CAPN14: variants seen among roughly 807,000 people sequenced by gnomAD.
The protein encoded by CAPN14 is calpain 14, also known as calpain-14.
In CAPN14, 94 loss-of-function variants were observed where a neutral mutation model predicts 101.3. That is an observed-to-expected ratio of 0.93 (90% CI 0.79 to 1.10). The LOEUF (loss-of-function observed/expected upper bound fraction) is 1.10. CAPN14 is among the 50% of genes least tolerant of loss of function. The pLI is 0.00. For missense variants in CAPN14, 837 were observed against 828.4 expected (o/e 1.01, Z -0.13); for synonymous variants, 338 against 317.9 (o/e 1.06, Z -0.67).
chr2:31,193,083 C>T, intron 10 of CAPN14, 48 bp downstream of exon 10: 2 of 1,505,240 alleles, frequency 1.3e-6, no homozygotes, highest in Non-Finnish European at 1.8e-6. Flanking sequence ...TCTGACACCC[C>T]CGCCCACAAC....
rs971354039 is a variant in CAPN14, at chr2:31,232,090, C to A, written c.-177+1701G>T. Among the ~76,000 whole-genome samples the A allele has an allele frequency of 5.9e-5, 9 of 152,268 alleles. No homozygotes were observed. The East Asian group carries it at 1.7e-3, about 29-fold the overall frequency. ...CTGGCCTCTGATAATCCCCCCTCCC[C>A]TGAAATCCCTGCAGCTTCACCACAC... is the stretch of plus-strand genomic sequence containing the variant. On this transcript the variant is annotated intron_variant and NMD_transcript_variant, in intron 1 of 21. Coordinates refer to the CAPN14 transcript ENST00000398824.
intron 19 of CAPN14, 108 bp downstream of exon 19, chr2:31,177,638 C>T: frequency 1.3e-6 from 1 of 779,766 alleles, no homozygotes; most frequent in Non-Finnish European, 2.2e-6. Flanking sequence ...TTGAGAGTAA[C>T]ACTGCGTATT....
At position 31,197,391 on chromosome 2, in the gene CAPN14, T is replaced by A. The variant is rs754292248; in HGVS notation, c.790-57A>T. The A allele has an allele frequency of 1.0e-4, 123 of 1,206,614 alleles. 1 individual carries two copies. Among genetic ancestry groups the A allele is most frequent in the South Asian group, 2.5e-4 (19 of 76,434 alleles). 74.7% of individuals were successfully genotyped at this position (1,206,614 alleles called of 1,614,324 possible). A position where few individuals can be genotyped will look rare whatever the true frequency, so the allele number is the denominator to read the frequency against. On this transcript the variant is annotated intron_variant, in intron 7 of 21. Coordinates refer to ENST00000403897, the MANE Select transcript of CAPN14 (RefSeq NM_001145122.2). The stretch of plus-strand genomic sequence containing the variant: ...GGGCTGAGTGCAAACATTCCAGAGA[T>A]CTGAGTGAGACTCGGGCCTGGAGCT...
chr2:31,189,375 A>T lies in CAPN14; in HGVS notation c.1391T>A (p.Leu464Gln). Reference sequence around the variant, plus strand: ...GAGGTACGTCCCTGGTTCCAGACACAGCTCCTGACTCACTTCTTTCTCCTT... The same window carrying T: ...GAGGTACGTCCCTGGTTCCAGACACTGCTCCTGACTCACTTCTTTCTCCTT... ...FLKEKEVSQE[L>Q]CLEPGTYLIV... The change falls in exon 13 of 22, where the codon CTG becomes CAG. Residue 464 changes from leucine to glutamine, a missense_variant. Coordinates refer to ENST00000403897, the MANE Select transcript of CAPN14 (RefSeq NM_001145122.2). 1.9e-6 allele frequency: 3 copies of T among 1,551,748 alleles called. No homozygotes were observed. The highest frequency in any genetic ancestry group is 2.6e-6 in the Non-Finnish European group (3 of 1,147,000).
intron 10 of CAPN14, 81 bp from the exon 11 acceptor site, chr2:31,192,179 T>A: frequency 1.4e-6 from 2 of 1,406,638 alleles, no homozygotes; most frequent in South Asian, 1.5e-5. Context: ...AGGTGAACAG[T>A]CTGAGGACGC....
At chr2:31,217,608 G>T (rs1243282043), upstream of CAPN14, 1 of 152,268 alleles carries the variant, frequency 6.6e-6, no homozygotes, top group African/African-American at 2.4e-5. Flanking sequence ...CAGGACCTTG[G>T]TTCCTCCCCA....
At chr2:31,198,495 T>C (rs981857570) in intron 7 of CAPN14, among the ~76,000 whole-genome samples, 1 of 152,120 alleles carries the variant, frequency 6.6e-6, no homozygotes, top group African/African-American at 2.4e-5. Flanking sequence ...CTACTCAGAG[T>C]AGTGCTGTGA....
chr2:31,213,901 G>A (rs991350389), intron 1 of CAPN14, among the ~76,000 whole-genome samples: 1 of 152,160 alleles, frequency 6.6e-6, no homozygotes, highest in African/African-American at 2.4e-5. Flanking sequence ...AAATGATTTT[G>A]TAATGTTAAT....
Position 31,173,956 on chromosome 2 carries a change from G to A in CAPN14, c.*725C>T, listed in dbSNP as rs1344503655. On this transcript the variant is annotated 3_prime_UTR_variant, in exon 22 of 22. Coordinates refer to ENST00000403897, the MANE Select transcript of CAPN14 (RefSeq NM_001145122.2). ...GGACAGATTTGAAATGGATCTGATA[G>A]TCTATATATCAAGCAAATAGACACA... 1 of 152,244 alleles carries A rather than the reference G, an allele frequency of 6.6e-6. No homozygotes were observed. Among genetic ancestry groups the A allele is most frequent in the Non-Finnish European group, 1.5e-5 (1 of 68,100 alleles). The allele number at this position is 152,244 out of a possible 1,614,324, so 9.4% of individuals were successfully genotyped here. A position where few individuals can be genotyped will look rare whatever the true frequency, so the allele number is the denominator to read the frequency against.
chr2:31,228,187 C>T (rs1054870890), intron 1 of CAPN14: 10 of 152,212 alleles, frequency 6.6e-5, no homozygotes, highest in African/African-American at 2.4e-4. Flanking sequence ...CACTTGGTCC[C>T]ACTTCCCAAT....
At chr2:31,227,002 C>T (rs943806896) in intron 1 of CAPN14, among the ~76,000 whole-genome samples, 2 of 152,138 alleles carry the variant, frequency 1.3e-5, no homozygotes, top group Non-Finnish European at 2.9e-5. Flanking sequence ...CCCTATCTTC[C>T]TCTTCAGGAT....
chr2:31,232,677 A>G (rs1162988162), intron 1 of CAPN14, among the ~76,000 whole-genome samples: 1 of 152,196 alleles, frequency 6.6e-6, no homozygotes, highest in Admixed American at 6.5e-5. Context: ...CACTATCATG[A>G]GAACAGCATG....
chr2:31,223,095 C>G (rs975977260), intron 2 of CAPN14, among the ~76,000 whole-genome samples: 1 of 152,182 alleles, frequency 6.6e-6, no homozygotes, highest in African/African-American at 2.4e-5. Flanking sequence ...CCAGAGCAGC[C>G]AGAAATAAAT....
At chr2:31,215,465 C>T (rs1221960060) in intron 1 of CAPN14, among the ~76,000 whole-genome samples, 2 of 151,990 alleles carry the variant, frequency 1.3e-5, no homozygotes, top group Admixed American at 6.5e-5. Context: ...TGTGTTAGTT[C>T]CTTTCTGTGT....
At chr2:31,214,089 T>C (rs746728027) in intron 1 of CAPN14, among the ~76,000 whole-genome samples, 6 of 152,332 alleles carry the variant, frequency 3.9e-5, no homozygotes, top group South Asian at 4.1e-4. Context: ...GAGAATGGTA[T>C]AGGCTTTTTA....
chr2:31,188,266 C>T (rs1020215515), intron 14 of CAPN14, 52 bp downstream of exon 14: 6 of 1,501,902 alleles, frequency 4.0e-6, no homozygotes, highest in Non-Finnish European at 5.4e-6. Context: ...AAACCCAACA[C>T]CCTGGCTTGG....
At chr2:31,190,945 C>T (rs1231401775) in intron 12 of CAPN14, among the ~76,000 whole-genome samples, 1 of 152,192 alleles carries the variant, frequency 6.6e-6, no homozygotes, top group Admixed American at 6.5e-5. Flanking sequence ...CATGCTCCTG[C>T]CACATGTCCC....
intron 16 of CAPN14, among the ~76,000 whole-genome samples, chr2:31,185,241 A>T (rs1680846448): frequency 6.6e-6 from 1 of 152,230 alleles, no homozygotes; most frequent in Non-Finnish European, 1.5e-5. Context: ...ACATCTAAGC[A>T]TATAGACTCT....
At chr2:31,195,812 A>T (rs1681446140) in intron 8 of CAPN14, among the ~76,000 whole-genome samples, 1 of 152,244 alleles carries the variant, frequency 6.6e-6, no homozygotes, top group Admixed American at 6.5e-5. Context: ...ACTTTAAAAA[A>T]AGTCCAATAT....
Sources: allele counts gnomAD v4.1 joint callset (sites outside exome capture counted in the v4.1 genomes callset), GRCh38; gene constraint gnomAD v4.1.1; transcripts MANE v1.5; gene names NCBI Gene and HGNC (gene_info 2026-07-23, HGNC 2026-07-21).